The following MGA variants were observed in gnomAD, a reference collection of about 807,000 sequenced individuals.
MGA encodes the protein MAX gene-associated protein.
A neutral mutation model predicts 261.1 loss-of-function variants in MGA; 40 were observed. The observed-to-expected ratio is 0.15, with a 90% CI of 0.12 to 0.20. The LOEUF (loss-of-function observed/expected upper bound fraction) is 0.20, where lower values mean the gene tolerates loss of function less well. MGA is among the 10% of genes least tolerant of loss of function. MGA has a pLI of 1.00. For synonymous variants in MGA, 1,302 were observed against 1,290.6 expected (o/e 1.01, Z -0.19); for missense variants, 3,397 against 3,630.5 (o/e 0.94, Z 1.65).
At chr15:41,695,682 T>C (rs1222892270) in intron 2 of MGA, among the ~76,000 whole-genome samples, 5 of 152,218 alleles carry the variant, frequency 3.3e-5, no homozygotes, top group Non-Finnish European at 7.3e-5. Context: ...TTCTTTATAT[T>C]GAAAGTGAGT....
At position 41,749,901 on chromosome 15, in the gene MGA, C is replaced by T; in HGVS notation, c.6294C>T (p.Val2098=). 1 of 1,613,848 alleles carries T rather than the reference C, an allele frequency of 6.2e-7. No individual in the cohort carries two copies. The highest frequency in any genetic ancestry group is 8.5e-7 in the Non-Finnish European group (1 of 1,179,858). The stretch of plus-strand genomic sequence containing the variant: ...CTGAAAAAGCCAGTAATAAGACAGT[C>T]CAAAATTTAAGTAAAGTACAGCATC... The change falls in exon 17 of 24, where the codon GTC becomes GTT. Residue 2098 remains valine, a synonymous_variant. Transcript: ENST00000219905.
intron 1 of MGA, among the ~76,000 whole-genome samples, chr15:41,661,812 T>C (rs377669368): frequency 2.0e-5 from 3 of 152,034 alleles, no homozygotes; most frequent in African/African-American, 7.2e-5. Context: ...TGACGGCTGC[T>C]GGGAAGGGGG....
At chr15:41,695,472 C>T (rs908084662) in intron 2 of MGA, among the ~76,000 whole-genome samples, 1 of 152,214 alleles carries the variant, frequency 6.6e-6, no homozygotes, top group Non-Finnish European at 1.5e-5. Context: ...CAGGCGTGAG[C>T]CATCGCTCCT....
rs1360763675 is a variant in MGA, at chr15:41,750,559, G to A, written c.6952G>A (p.Glu2318Lys). ...TGAGAAAACTGATGATTCTATTGAT[G>A]AAATTGTGGATGTTGTTTCTGACTA... The change falls in exon 17 of 24, where the codon GAA (glutamate) becomes AAA (lysine). Residue 2318 changes from glutamate to lysine, a missense_variant. By Grantham distance (56) the Glu-to-Lys change is moderately conservative. Around this residue, in one of 9 missense-constraint regions of MGA, gnomAD observed 1,410 missense variants for 1,386.4 expected, o/e 1.02. Coordinates refer to ENST00000219905, the MANE Select transcript of MGA (RefSeq NM_001164273.2). 1.9e-6 allele frequency: 3 copies of A among 1,611,956 alleles called. No individual in the cohort carries two copies. Among genetic ancestry groups the A allele is most frequent in the Non-Finnish European group, 2.5e-6 (3 of 1,178,910 alleles).
chr15:41,638,908 G>A (rs1321965068), intron 1 of MGA, among the ~76,000 whole-genome samples: 1 of 151,794 alleles, frequency 6.6e-6, no homozygotes, highest in East Asian at 1.9e-4. Context: ...ATGGGGTTTT[G>A]CCTTATTGCC....
rs756389942 is a variant in MGA, at chr15:41,740,090, C to G, written c.4472C>G (p.Pro1491Arg). 13 of 1,614,028 alleles carry G rather than the reference C, an allele frequency of 8.1e-6. No individual in the cohort carries two copies. In the South Asian group the frequency reaches 1.4e-4, roughly 18 times the overall value. Residue 1491 changes from proline to arginine, a missense_variant, in exon 14 of 24, where the codon CCA becomes CGA. Physicochemically the swap from Pro to Arg is moderately radical, Grantham distance 103. Coordinates refer to ENST00000219905, the MANE Select transcript of MGA (RefSeq NM_001164273.2). ...GCCAAGGTGGCTGCATCCAGGAAAC[C>G]ACGTACCCTGTTGCCTTCAACATCC...
intron 11 of MGA, among the ~76,000 whole-genome samples, chr15:41,731,132 G>T (rs1042971018): frequency 5.9e-5 from 9 of 152,036 alleles, no homozygotes; most frequent in African/African-American, 2.2e-4. Context: ...TTTTAAAACA[G>T]AATAAGGATG....
chr15:41,743,242 A>C lies in MGA; in HGVS notation c.5212+70A>C, dbSNP rs543948593. 5.3e-5 allele frequency: 76 copies of C among 1,447,356 alleles called. No homozygotes were observed. In the East Asian group the frequency reaches 1.9e-3, roughly 36 times the overall value. 89.7% of individuals were successfully genotyped at this position (1,447,356 alleles called of 1,614,324 possible). A position where few individuals can be genotyped will look rare whatever the true frequency, so the allele number is the denominator to read the frequency against. On this transcript the variant is annotated intron_variant, in intron 15 of 23. Transcript: ENST00000219905. ...ATTTATATAACTTTGTGGTTGTGTT[A>C]GGATTATAGATATATCAGGATAACA...
At position 41,761,961 on chromosome 15, in the gene MGA, C is replaced by T. The variant is rs2063483448; in HGVS notation, c.7510+111C>T. On this transcript the variant is annotated intron_variant, in intron 21 of 23. Transcript: ENST00000219905. Reference sequence around the variant, plus strand: ...TTGAAAGCTTGGCTCCCACAGTTTACAGCACAGTTATCCTTTGACTGGGTG... The same window carrying T: ...TTGAAAGCTTGGCTCCCACAGTTTATAGCACAGTTATCCTTTGACTGGGTG... The T allele has an allele frequency of 8.8e-6, 9 of 1,022,462 alleles. No individual in the cohort carries two copies. The South Asian group carries it at 1.5e-4, about 17-fold the overall frequency. 63.3% of individuals were successfully genotyped at this position (1,022,462 alleles called of 1,614,324 possible).
Position 41,736,571 on chromosome 15 carries a change from C to T in MGA, c.4307C>T (p.Ala1436Val). The T allele has an allele frequency of 2.5e-6, 4 of 1,614,016 alleles. No homozygotes were observed. Among genetic ancestry groups the T allele is most frequent in the Admixed American group, 1.7e-5 (1 of 60,030 alleles). Reference sequence around the variant, plus strand: ...GATATCTCTCCTGTGCAGACAGATGCCCTGGATTCAGTGAGGGAGAGATTA... The same window carrying T: ...GATATCTCTCCTGTGCAGACAGATGTCCTGGATTCAGTGAGGGAGAGATTA... Residue 1436 changes from alanine to valine, a missense_variant, in exon 13 of 24, where the codon GCC becomes GTC. This residue lies in a region of MGA where 1,410 missense variants were observed against 1,386.4 expected (regional missense o/e 1.02). Coordinates refer to ENST00000219905, the MANE Select transcript of MGA (RefSeq NM_001164273.2).
chr15:41,656,535 T>C (rs1036156836), upstream of MGA, among the ~76,000 whole-genome samples: 1 of 151,502 alleles, frequency 6.6e-6, no homozygotes, highest in Non-Finnish European at 1.5e-5. Context: ...TTTTATTTTA[T>C]TTTTGGTAGA....
Position 41,696,314 on chromosome 15 carries a change from A to G in MGA, c.1304A>G (p.Asn435Ser). The G allele has an allele frequency of 6.2e-7, 1 of 1,613,938 alleles. No homozygotes were observed. The highest frequency in any genetic ancestry group is 8.5e-7 in the Non-Finnish European group (1 of 1,179,888). The change falls in exon 3 of 24, where the codon AAC becomes AGC. Residue 435 changes from asparagine (N) to serine (S), a missense_variant. Asn to Ser is a conservative substitution (Grantham distance 46). Transcript: ENST00000219905. ...CTAAAGAGGCACAATAAAGTTGACAACCCAGAAGCTGACCATCTATCTTCT... is the reference window on the plus strand; with the variant it reads ...CTAAAGAGGCACAATAAAGTTGACAGCCCAGAAGCTGACCATCTATCTTCT...
intron 18 of MGA, among the ~76,000 whole-genome samples, chr15:41,755,757 G>A (rs1474825664): frequency 1.3e-5 from 2 of 152,170 alleles, no homozygotes; most frequent in East Asian, 1.9e-4. Context: ...GGTGGCTCAC[G>A]CCTGTAATTC....
At chr15:41,639,030 A>T (rs1338749312) in intron 1 of MGA, among the ~76,000 whole-genome samples, 1 of 151,810 alleles carries the variant, frequency 6.6e-6, no homozygotes, top group African/African-American at 2.4e-5. Context: ...TGGGGGTCTC[A>T]CTGTGTTGCC....
intron 1 of MGA, among the ~76,000 whole-genome samples, chr15:41,645,513 G>A (rs967301819): frequency 2.0e-5 from 3 of 152,230 alleles, no homozygotes; most frequent in African/African-American, 7.2e-5. Context: ...GAACCTGGGA[G>A]GTGGAGGTTG....
intron 1 of MGA, among the ~76,000 whole-genome samples, chr15:41,630,830 A>T (rs190674323): frequency 1.0e-3 from 159 of 152,314 alleles, no homozygotes; most frequent in Middle Eastern, 3.4e-3. Flanking sequence ...TAAATCCAGT[A>T]GAATCAGCAG....
intron 1 of MGA, among the ~76,000 whole-genome samples, chr15:41,643,326 C>T (rs367791090): frequency 1.4e-4 from 22 of 151,788 alleles, no homozygotes; most frequent in East Asian, 7.8e-4. Context: ...CTGCAACCTC[C>T]GCCTCCCGGG....
rs34069193 is a variant in MGA at position 41,762,461 on chromosome 15, G to GTTTTTTTTTTT, written c.7744+119_7744+129dup. On this transcript the variant is annotated intron_variant, in intron 22 of 23. Coordinates refer to ENST00000219905, the MANE Select transcript of MGA (RefSeq NM_001164273.2). ...TTGTCCACATTTTTAGTTTTGTGTG[G>GTTTTTTTTTTT]TTTTTTTTTTTTTTTTTTTTTTTTT... 1.6e-3 allele frequency: 228 copies of GTTTTTTTTTTT among 138,400 alleles called. 31 individuals carry two copies. Among genetic ancestry groups the GTTTTTTTTTTT allele is most frequent in the African/African-American group, 3.8e-3 (59 of 15,430 alleles). The allele number at this position is 138,400 out of a possible 1,614,324, so 8.6% of individuals were successfully genotyped here.
At chr15:41,671,855 C>T (rs2058079209) in intron 2 of MGA, among the ~76,000 whole-genome samples, 1 of 152,146 alleles carries the variant, frequency 6.6e-6, no homozygotes, top group Non-Finnish European at 1.5e-5. Flanking sequence ...AAGTGCTGCT[C>T]AAGCAATGCA....
Sources: allele counts gnomAD v4.1 joint callset (sites outside exome capture counted in the v4.1 genomes callset), GRCh38; gene constraint gnomAD v4.1.1; regional missense constraint gnomAD v4.1.1; transcripts MANE v1.5; gene names NCBI Gene and HGNC (gene_info 2026-07-23, HGNC 2026-07-21).